The following EBF2 variants were observed in gnomAD, a reference collection of about 807,000 sequenced individuals.
EBF2 encodes the protein transcription factor COE2.
EBF2 carries 21 observed loss-of-function variants against 72.8 expected under a neutral mutation model. The ratio of observed to expected loss-of-function variants is 0.29; its 90% confidence interval spans 0.20 to 0.42. EBF2 has a LOEUF of 0.42. Ranked by LOEUF, EBF2 falls within the 10% of genes least tolerant of loss-of-function variation. The pLI is 1.00. For synonymous variants in EBF2, 299 were observed against 274.2 expected, an observed-to-expected ratio of 1.09 and a Z score of -0.89; for missense variants, 637 against 731.2, an observed-to-expected ratio of 0.87 and a Z score of 1.49.
intron 7 of EBF2, among the ~76,000 whole-genome samples, chr8:25,900,935 A>G (rs952335327): frequency 8.5e-5 from 13 of 152,260 alleles, no homozygotes; most frequent in Admixed American, 7.2e-4. Context: ...GTTAACAACC[A>G]TGTATTGTAC....
rs375386709 is a variant in EBF2, at chr8:26,005,561, T to TATATAGAGAGAGAGAGAG, written c.551+27523_551+27524insCTCTCTCTCTCTCTATAT. Among the ~76,000 whole-genome samples the TATATAGAGAGAGAGAGAG allele has an allele frequency of 3.5e-3, 223 of 63,890 alleles. 1 individual carries two copies. The highest frequency in any genetic ancestry group is 6.8e-3 in the South Asian group (14 of 2,062). 41.9% of individuals were successfully genotyped at this position (63,890 alleles called of 152,430 possible). ...TATATTTTATATATATATATATATA[T>TATATAGAGAGAGAGAGAG]AGAGAGAGAGAGAGAGAGGTATTTT... On this transcript the variant is annotated intron_variant, in intron 6 of 15. Coordinates refer to ENST00000520164, the MANE Select transcript of EBF2 (RefSeq NM_022659.4).
chr8:25,869,323 T>A (rs1802390391), intron 10 of EBF2, among the ~76,000 whole-genome samples: 1 of 152,152 alleles, frequency 6.6e-6, no homozygotes, highest in Admixed American at 6.5e-5. Context: ...CTCCTCAAGT[T>A]GGAGACAGGG....
intron 6 of EBF2, among the ~76,000 whole-genome samples, chr8:25,921,288 C>A (rs1803302455): frequency 6.6e-6 from 1 of 152,136 alleles, no homozygotes; most frequent in Admixed American, 6.5e-5. Flanking sequence ...GTAGAGTCAG[C>A]CGACTTTCAT....
chr8:25,908,680 C>A, intron 6 of EBF2, 125 bp from the exon 7 acceptor site: 1 of 704,442 alleles, frequency 1.4e-6, no homozygotes, highest in Non-Finnish European at 2.4e-6. Flanking sequence ...TCAACCTGCC[C>A]TGCCTGTGAA....
At position 26,044,604 on chromosome 8, in the gene EBF2, G is replaced by A; in HGVS notation, c.131+125C>T. On this transcript the variant is annotated intron_variant, in intron 1 of 15. Coordinates refer to ENST00000520164, the MANE Select transcript of EBF2 (RefSeq NM_022659.4). This position sits in a 1 kb window ranked among gnomAD's most constrained non-coding sequence, Gnocchi z 4.1. ...GCCCGAGGGCGAGCCCCAGCGCGCA[G>A]GGCCTGGGCGACAGATGGGGGGACA... is the stretch of plus-strand genomic sequence containing the variant. 1.4e-6 allele frequency: 2 copies of A among 1,409,548 alleles called. No homozygotes were observed. Among genetic ancestry groups the A allele is most frequent in the African/African-American group, 2.9e-5 (2 of 69,978 alleles). The allele number at this position is 1,409,548 out of a possible 1,614,324, so 87.3% of individuals were successfully genotyped here.
intron 10 of EBF2, among the ~76,000 whole-genome samples, chr8:25,865,527 G>C (rs1354353456): frequency 6.6e-6 from 1 of 152,068 alleles, no homozygotes; most frequent in Non-Finnish European, 1.5e-5. Context: ...CCATTTTATA[G>C]GTTGGCTGTC....
chr8:26,017,660 A>T (rs1805133518), intron 6 of EBF2, among the ~76,000 whole-genome samples: 1 of 152,192 alleles, frequency 6.6e-6, no homozygotes. Context: ...GTGCCAAAGG[A>T]TGCTTGGAAA....
In EBF2 at chr8:26,044,056, G is replaced by T. The variant is rs1805656339; in HGVS notation, c.131+673C>A. 6.6e-6 allele frequency among the ~76,000 whole-genome samples: 1 copy of T among 152,186 alleles called. No individual in the cohort carries two copies. The highest frequency in any genetic ancestry group is 1.5e-5 in the Non-Finnish European group (1 of 68,038). On this transcript the variant is annotated intron_variant, in intron 1 of 15. Transcript: ENST00000520164. This position sits in a 1 kb window ranked among gnomAD's most constrained non-coding sequence, Gnocchi z 4.1. ...TTCTTCTTCCGCAACTCTTTCTACTGTGACTCAGTATTTTCTCTTCTTTTA... is the reference window on the plus strand; with the variant it reads ...TTCTTCTTCCGCAACTCTTTCTACTTTGACTCAGTATTTTCTCTTCTTTTA...
rs150756587 is a variant in EBF2, at chr8:25,882,838, C to G, written c.1009+3917G>C. 2.0e-5 allele frequency among the ~76,000 whole-genome samples: 3 copies of G among 152,330 alleles called. No individual in the cohort carries two copies. In the East Asian group the frequency reaches 5.8e-4, roughly 29 times the overall value. ...TGGGAGACACTGGTTTGACTTGTCT[C>G]CAATAGCCTGAGCATAGAGCTCAAT... On this transcript the variant is annotated intron_variant, in intron 10 of 15. Transcript: ENST00000520164.
At chr8:25,872,531 C>T (rs1337378662) in intron 10 of EBF2, among the ~76,000 whole-genome samples, 1 of 152,284 alleles carries the variant, frequency 6.6e-6, no homozygotes, top group South Asian at 2.1e-4. Context: ...AAGGGAGCTT[C>T]ACTTCATCAG....
At chr8:26,015,889 T>A (rs929200352) in intron 6 of EBF2, among the ~76,000 whole-genome samples, 1 of 152,172 alleles carries the variant, frequency 6.6e-6, no homozygotes, top group Admixed American at 6.5e-5. Context: ...TGACCTGATG[T>A]GGTGCCTCCC....
At chr8:25,996,156 G>A (rs550548696) in intron 6 of EBF2, among the ~76,000 whole-genome samples, 15 of 151,988 alleles carry the variant, frequency 9.9e-5, no homozygotes, top group African/African-American at 3.6e-4. Context: ...AAAACAATTG[G>A]CCAGGCATGG....
chr8:25,945,867 A>G (rs1168542140), intron 6 of EBF2, among the ~76,000 whole-genome samples: 1 of 152,068 alleles, frequency 6.6e-6, no homozygotes, highest in Non-Finnish European at 1.5e-5. Context: ...AAACCTATTG[A>G]AACGGTCTTT....
At chr8:25,941,301 G>T (rs1803665727) in intron 6 of EBF2, among the ~76,000 whole-genome samples, 1 of 151,928 alleles carries the variant, frequency 6.6e-6, no homozygotes, top group African/African-American at 2.4e-5. Flanking sequence ...CGCCTCCCGG[G>T]TTCAAGTGAT....
intron 7 of EBF2, among the ~76,000 whole-genome samples, chr8:25,890,879 C>T (rs1432187526): frequency 6.6e-6 from 1 of 152,322 alleles, no homozygotes; most frequent in African/African-American, 2.4e-5. Flanking sequence ...ATAAGGAATA[C>T]TCAACCTGTA....
intron 6 of EBF2, among the ~76,000 whole-genome samples, chr8:25,919,088 G>A (rs543021630): frequency 3.3e-5 from 5 of 152,276 alleles, no homozygotes; most frequent in Non-Finnish European, 7.4e-5. Context: ...TTACAATGAA[G>A]GGTCCCTCTT....
intron 6 of EBF2, among the ~76,000 whole-genome samples, chr8:25,942,697 G>A (rs1014454399): frequency 5.3e-5 from 8 of 152,210 alleles, no homozygotes; most frequent in Admixed American, 2.0e-4. Context: ...CACATATCTC[G>A]TTTCCTTGAC....
chr8:25,970,344 A>G (rs1481885246), intron 6 of EBF2, among the ~76,000 whole-genome samples: 2 of 152,170 alleles, frequency 1.3e-5, no homozygotes, highest in Non-Finnish European at 2.9e-5. Context: ...TTCTGGGAGC[A>G]TGTGTCGGTC....
intron 5 of EBF2, 66 bp from the exon 6 acceptor site, chr8:26,033,219 T>A: frequency 1.3e-6 from 2 of 1,497,280 alleles, no homozygotes; most frequent in Non-Finnish European, 9.3e-7. Context: ...AATGAGCACA[T>A]GACAAGAACA....
Sources: allele counts gnomAD v4.1 joint callset (sites outside exome capture counted in the v4.1 genomes callset), GRCh38; gene constraint gnomAD v4.1.1; non-coding constraint Gnocchi (gnomAD v3.1); transcripts MANE v1.5; gene names NCBI Gene and HGNC (gene_info 2026-07-23, HGNC 2026-07-21).